Variants in CACNG2 observed in about 807,000 individuals in gnomAD.
CACNG2 encodes calcium voltage-gated channel auxiliary subunit gamma 2.
In CACNG2, 3 loss-of-function variants were observed where a neutral mutation model predicts 25.9. The ratio of observed to expected loss-of-function variants is 0.12; its 90% confidence interval spans 0.05 to 0.30. The LOEUF (loss-of-function observed/expected upper bound fraction) is 0.30, where lower values mean the gene tolerates loss of function less well. Among genes scored for constraint, CACNG2 ranks in the 10% least tolerant of loss-of-function variants. CACNG2 has a pLI of 1.00. For synonymous variants in CACNG2, 167 were observed against 173.3 expected (o/e 0.96, Z 0.29); for missense variants, 341 against 432.5 (o/e 0.79, Z 1.88).
chr22:36,616,673 G>A (rs1456178847), intron 1 of CACNG2, among the ~76,000 whole-genome samples: 1 of 152,050 alleles, frequency 6.6e-6, no homozygotes, highest in Non-Finnish European at 1.5e-5. Flanking sequence ...TACAGACCTG[G>A]GTGACCCAAC....
At chr22:36,642,121 A>G (rs928750983) in intron 1 of CACNG2, among the ~76,000 whole-genome samples, 1 of 152,188 alleles carries the variant, frequency 6.6e-6, no homozygotes, top group Non-Finnish European at 1.5e-5. Context: ...TTGGGAGGGT[A>G]TAAAGATCTC....
chr22:36,646,018 T>C (rs1244544840), intron 1 of CACNG2, among the ~76,000 whole-genome samples: 1 of 152,152 alleles, frequency 6.6e-6, no homozygotes, highest in East Asian at 1.9e-4. Context: ...ACAAAGGAAG[T>C]TGGGGATAGA....
chr22:36,566,195 GC>G (rs878960994), intron 3 of CACNG2, among the ~76,000 whole-genome samples, 157 bp downstream of exon 3: 1 of 152,058 alleles, frequency 6.6e-6, no homozygotes, highest in East Asian at 1.9e-4. Context: ...CAGGACAGGA[GC>G]CCCCCCACCA....
intron 1 of CACNG2, among the ~76,000 whole-genome samples, chr22:36,597,083 C>T (rs1935689475): frequency 6.6e-6 from 1 of 152,166 alleles, no homozygotes; most frequent in African/African-American, 2.4e-5. Flanking sequence ...AGTGCAATGG[C>T]ACGATCTCAG....
At chr22:36,694,677 CT>C (rs1315787300) in intron 1 of CACNG2, among the ~76,000 whole-genome samples, 1 of 152,100 alleles carries the variant, frequency 6.6e-6, no homozygotes, top group Admixed American at 6.5e-5. Flanking sequence ...TTGCAAGATT[CT>C]TATTCTTTAG....
chr22:36,577,297 G>A (rs1413244930), intron 2 of CACNG2, among the ~76,000 whole-genome samples: 1 of 152,188 alleles, frequency 6.6e-6, no homozygotes, highest in Non-Finnish European at 1.5e-5. Flanking sequence ...TTATTAAAGT[G>A]TGGGTTGTGA....
At chr22:36,649,762 T>C (rs1386135914) in intron 1 of CACNG2, among the ~76,000 whole-genome samples, 1 of 152,216 alleles carries the variant, frequency 6.6e-6, no homozygotes, top group South Asian at 2.1e-4. Context: ...TTTCACGAGA[T>C]ATGGTGGTTT....
intron 1 of CACNG2, among the ~76,000 whole-genome samples, chr22:36,647,076 T>C (rs1168617295): frequency 6.6e-6 from 1 of 152,164 alleles, no homozygotes; most frequent in Admixed American, 6.5e-5. Flanking sequence ...CTGGCATATC[T>C]TGATTTTAGG....
chr22:36,635,260 G>A (rs907820225), intron 1 of CACNG2, among the ~76,000 whole-genome samples: 1 of 150,274 alleles, frequency 6.7e-6, no homozygotes, highest in African/African-American at 2.5e-5. Flanking sequence ...CTCCAGCCTG[G>A]GCAACAGAGC....
intron 1 of CACNG2, among the ~76,000 whole-genome samples, chr22:36,628,454 G>A (rs5756272): frequency 0.13 from 19,057 of 152,122 alleles, 1,351 homozygotes; most frequent in East Asian, 0.25. Context: ...TAGTTATAAC[G>A]AGCAAGGGAA....
At position 36,624,308 on chromosome 22, in the gene CACNG2, C is replaced by T. The variant is rs542215296; in HGVS notation, c.212-36760G>A. 9.8e-5 allele frequency among the ~76,000 whole-genome samples: 15 copies of T among 152,322 alleles called. No individual in the cohort carries two copies. In the East Asian group the frequency reaches 1.9e-3, roughly 20 times the overall value. On this transcript the variant is annotated intron_variant, in intron 1 of 3. Transcript: ENST00000300105. ...GGTGGTGAGAGCAATGGCAGTCCTT[C>T]GCACAGTACTGACTGCATGCCAGGC...
At chr22:36,700,016 C>A (rs1937390762) in intron 1 of CACNG2, among the ~76,000 whole-genome samples, 1 of 152,244 alleles carries the variant, frequency 6.6e-6, no homozygotes, top group African/African-American at 2.4e-5. Context: ...CCCTTCCTGC[C>A]CTGGCCATGG....
At chr22:36,574,865 C>T (rs2283971) in intron 2 of CACNG2, among the ~76,000 whole-genome samples, 46,067 of 152,062 alleles carry the variant, frequency 0.3, 7,170 homozygotes, top group Non-Finnish European at 0.33. Flanking sequence ...TGGTTTTGGA[C>T]ATGCTGAGTT....
chr22:36,676,043 G>A (rs1410012513), intron 1 of CACNG2, among the ~76,000 whole-genome samples: 4 of 152,056 alleles, frequency 2.6e-5, no homozygotes, highest in African/African-American at 9.7e-5. Flanking sequence ...TGTTTATACC[G>A]GTCACACCTG....
chr22:36,650,732 C>T (rs74471219), intron 1 of CACNG2, among the ~76,000 whole-genome samples: 3,834 of 152,162 alleles, frequency 0.025, 162 homozygotes, highest in African/African-American at 0.089. Flanking sequence ...TTTGGCCACG[C>T]TGATCTTGAA....
intron 1 of CACNG2, among the ~76,000 whole-genome samples, chr22:36,643,770 AG>A (rs1212774470): frequency 2.0e-5 from 3 of 152,236 alleles, no homozygotes; most frequent in Non-Finnish European, 4.4e-5. Context: ...GCATCACCAC[AG>A]TCCCTATTTC....
At position 36,563,584 on chromosome 22, in the gene CACNG2, C is replaced by G. The variant is rs561000825; in HGVS notation, c.*767G>C. ...GCCAGGCAAGCCCCAAGTGTACCCC[C>G]CTCCAGGCACCCTAACGGAGAGGAG... On this transcript the variant is annotated 3_prime_UTR_variant, in exon 4 of 4. Coordinates refer to ENST00000300105, the MANE Select transcript of CACNG2 (RefSeq NM_006078.5). Among the ~76,000 whole-genome samples the G allele has an allele frequency of 1.3e-5, 2 of 152,266 alleles. No individual in the cohort carries two copies. The highest frequency in any genetic ancestry group is 3.4e-3 in the Middle Eastern group (1 of 294).
At chr22:36,566,982 T>G (rs1024710022) in intron 2 of CACNG2, among the ~76,000 whole-genome samples, 2 of 152,240 alleles carry the variant, frequency 1.3e-5, no homozygotes, top group Non-Finnish European at 2.9e-5. Context: ...GGCAAAGTTA[T>G]GAGCTCCCTC....
intron 1 of CACNG2, among the ~76,000 whole-genome samples, chr22:36,643,029 C>G (rs890957270): frequency 6.7e-6 from 1 of 149,378 alleles, no homozygotes; most frequent in East Asian, 2.0e-4. Context: ...TCTTCCCTCC[C>G]TCCCTCCCTT....
Sources: gnomAD v4.1 joint callset for allele counts (sites outside exome capture counted in the v4.1 genomes callset) on GRCh38, gnomAD v4.1.1 for gene constraint, MANE v1.5 for transcripts, NCBI Gene and HGNC (gene_info 2026-07-23, HGNC 2026-07-21) for gene names.